Variants in BMPR1B observed in about 807,000 individuals in gnomAD.
The protein encoded by BMPR1B is bone morphogenetic protein receptor type-1B.
In BMPR1B, 12 loss-of-function variants were observed where a neutral mutation model predicts 59.1. The ratio of observed to expected loss-of-function variants is 0.20; its 90% CI spans 0.13 to 0.33. The LOEUF is 0.33. BMPR1B is among the 10% of genes least tolerant of loss of function. BMPR1B has a pLI of 1.00. For synonymous variants in BMPR1B, 237 were observed against 207.3 expected (o/e 1.14, Z -1.23); for missense variants, 550 against 610.9 (o/e 0.90, Z 1.05).
intron 1 of BMPR1B, among the ~76,000 whole-genome samples, chr4:94,832,531 C>T (rs934030858): frequency 9.2e-5 from 14 of 152,120 alleles, no homozygotes; most frequent in African/African-American, 3.4e-4. Flanking sequence ...CCTGTAATCC[C>T]AGGACTTTGG....
rs1026187121 is a variant in BMPR1B at position 94,853,038 on chromosome 4, C to T, written c.-182-22793C>T. Among the ~76,000 whole-genome samples the T allele has an allele frequency of 1.6e-4, 24 of 152,138 alleles. 1 individual carries two copies. Among genetic ancestry groups the T allele is most frequent in the Admixed American group, 1.5e-3 (23 of 15,258 alleles). On this transcript the variant is annotated intron_variant, in intron 1 of 12. Transcript: ENST00000515059. ...CTTAGAACCTAATATATTGTGGATT[C>T]GTGGTCCCCAGCCTGGAGTTTCCAG... is the stretch of plus-strand genomic sequence containing the variant.
chr4:95,148,525 A>G (rs945326189), intron 10 of BMPR1B, among the ~76,000 whole-genome samples: 8 of 152,148 alleles, frequency 5.3e-5, no homozygotes, highest in Non-Finnish European at 1.2e-4. Flanking sequence ...AGCTGGGCCT[A>G]CAGGCATGCA....
At chr4:94,957,333 G>GTTTTTTTTTTT (rs56341742) in intron 2 of BMPR1B, among the ~76,000 whole-genome samples, 1 of 65,638 alleles carries the variant, frequency 1.5e-5, no homozygotes, top group African/African-American at 5.6e-5. Flanking sequence ...CCTGTTTCGT[G>GTTTTTTTTTTT]TTTTTTTTTT....
rs367895486 is a variant in BMPR1B at position 94,926,061 on chromosome 4, C to G, written c.-113+50161C>G. Among the ~76,000 whole-genome samples the G allele has an allele frequency of 1.7e-4, 15 of 89,796 alleles. No homozygotes were observed. The South Asian group carries it at 6.6e-3, about 39-fold the overall frequency. The allele number at this position is 89,796 out of a possible 152,430, so 58.9% of individuals were successfully genotyped here. Reference sequence around the variant, plus strand: ...CCCCTCCCTCCTACCCTCCCTCCCCCCCAATCCCTCCCGTCTCCCTCCCCT... The same window carrying G: ...CCCCTCCCTCCTACCCTCCCTCCCCGCCAATCCCTCCCGTCTCCCTCCCCT... On this transcript the variant is annotated intron_variant, in intron 2 of 12. Coordinates refer to ENST00000515059, the MANE Select transcript of BMPR1B (RefSeq NM_001203.3).
intron 2 of BMPR1B, among the ~76,000 whole-genome samples, chr4:94,943,413 C>G (rs1031802398): frequency 6.6e-6 from 1 of 152,128 alleles, no homozygotes; most frequent in African/African-American, 2.4e-5. Flanking sequence ...CGTGAGCCAC[C>G]GTGTCTGCCT....
chr4:95,041,949 G>C (rs1352572603), intron 3 of BMPR1B, among the ~76,000 whole-genome samples: 1 of 151,972 alleles, frequency 6.6e-6, no homozygotes, highest in Non-Finnish European at 1.5e-5. Context: ...CCACCTCCCG[G>C]AGCTTCATGC....
chr4:94,851,579 A>T (rs1725567051), intron 1 of BMPR1B, among the ~76,000 whole-genome samples: 1 of 152,068 alleles, frequency 6.6e-6, no homozygotes, highest in Admixed American at 6.6e-5. Flanking sequence ...AATTTTAAAA[A>T]TTATTTACTT....
At chr4:94,829,555 G>A (rs1229779740) in intron 1 of BMPR1B, among the ~76,000 whole-genome samples, 1 of 152,140 alleles carries the variant, frequency 6.6e-6, no homozygotes. Flanking sequence ...ATGAGCCATG[G>A]CACCTGGCCT....
At chr4:95,062,776 C>G (rs1727497352) in intron 3 of BMPR1B, among the ~76,000 whole-genome samples, 1 of 152,070 alleles carries the variant, frequency 6.6e-6, no homozygotes, top group Non-Finnish European at 1.5e-5. Flanking sequence ...TGGGCAATTG[C>G]TGTAGAATGT....
At chr4:95,036,741 G>T (rs1725275569) in intron 3 of BMPR1B, among the ~76,000 whole-genome samples, 1 of 146,182 alleles carries the variant, frequency 6.8e-6, no homozygotes, top group African/African-American at 2.6e-5. Flanking sequence ...ACCTAGTAGT[G>T]AGATTGTTGG....
At chr4:94,821,156 C>T (rs1387343648) in intron 1 of BMPR1B, among the ~76,000 whole-genome samples, 4 of 152,188 alleles carry the variant, frequency 2.6e-5, no homozygotes, top group East Asian at 1.9e-4. Context: ...ATGTGTTACA[C>T]AGCTATACTT....
chr4:94,985,150 G>A (rs1578882459), intron 2 of BMPR1B, among the ~76,000 whole-genome samples: 1 of 152,094 alleles, frequency 6.6e-6, no homozygotes, highest in African/African-American at 2.4e-5. Context: ...TGGTGGAAAG[G>A]CCTTTATTCT....
chr4:94,879,125 A>G (rs1001701742), intron 2 of BMPR1B, among the ~76,000 whole-genome samples: 1 of 152,136 alleles, frequency 6.6e-6, no homozygotes, highest in Non-Finnish European at 1.5e-5. Flanking sequence ...AGCATTAGGT[A>G]TATCTCCTAT....
intron 11 of BMPR1B, among the ~76,000 whole-genome samples, chr4:95,151,223 A>G (rs1011144669): frequency 6.6e-6 from 1 of 152,226 alleles, no homozygotes; most frequent in Non-Finnish European, 1.5e-5. Flanking sequence ...GGAGAAAAGA[A>G]TAAGGCCTAT....
intron 3 of BMPR1B, among the ~76,000 whole-genome samples, chr4:95,095,872 ATTTT>A (rs1198691737): frequency 6.6e-6 from 1 of 151,846 alleles, no homozygotes; most frequent in African/African-American, 2.4e-5. Context: ...CAAATTAAAA[ATTTT>A]TTATTTATGA....
chr4:94,778,292 G>T (rs1307998255), intron 1 of BMPR1B, among the ~76,000 whole-genome samples: 1 of 152,060 alleles, frequency 6.6e-6, no homozygotes, highest in Non-Finnish European at 1.5e-5. Flanking sequence ...ATATATGTGT[G>T]TATACCTAAC....
In BMPR1B at chr4:95,156,515, G is replaced by A. The variant is rs554842235; in HGVS notation, c.*1842G>A. On this transcript the variant is annotated 3_prime_UTR_variant, in exon 13 of 13. Coordinates refer to ENST00000515059, the MANE Select transcript of BMPR1B (RefSeq NM_001203.3). ...TTGTTCATCCAGAAAACATTCTAAAGCAATGAGACTTTGTGAGCTGTGCTT... is the reference window on the plus strand; with the variant it reads ...TTGTTCATCCAGAAAACATTCTAAAACAATGAGACTTTGTGAGCTGTGCTT... 2.8e-4 allele frequency: 43 copies of A among 152,126 alleles called. No individual in the cohort carries two copies. Among genetic ancestry groups the A allele is most frequent in the African/African-American group, 9.9e-4 (41 of 41,504 alleles). The allele number at this position is 152,126 out of a possible 1,614,324, so 9.4% of individuals were successfully genotyped here.
At chr4:95,097,649 T>A (rs1730526574) in intron 3 of BMPR1B, among the ~76,000 whole-genome samples, 1 of 152,140 alleles carries the variant, frequency 6.6e-6, no homozygotes, top group Non-Finnish European at 1.5e-5. Flanking sequence ...GTGATTCTCC[T>A]GCCTCAGCCT....
intron 2 of BMPR1B, among the ~76,000 whole-genome samples, chr4:94,979,508 C>T (rs926425788): frequency 6.6e-6 from 1 of 152,164 alleles, no homozygotes; most frequent in African/African-American, 2.4e-5. Context: ...GGTTCTCAGA[C>T]ATGCAGAATT....
Sources: allele counts gnomAD v4.1 joint callset (sites outside exome capture counted in the v4.1 genomes callset), GRCh38; gene constraint gnomAD v4.1.1; transcripts MANE v1.5; gene names NCBI Gene and HGNC (gene_info 2026-07-23, HGNC 2026-07-21).